Variants in SLC24A2 observed in about 807,000 individuals in gnomAD.
SLC24A2 encodes the protein solute carrier family 24 member 2.
SLC24A2 carries 36 observed loss-of-function variants against 62.0 expected under a neutral mutation model. The ratio of observed to expected loss-of-function variants is 0.58; its 90% CI spans 0.44 to 0.77. The LOEUF (loss-of-function observed/expected upper bound fraction) is 0.77, where lower values mean the gene tolerates loss of function less well. Among genes scored for constraint, SLC24A2 ranks in the 30% least tolerant of loss-of-function variants. The pLI is 0.00. For synonymous variants in SLC24A2, 358 were observed against 294.0 expected (o/e 1.22, Z -2.23); for missense variants, 846 against 817.9 (o/e 1.03, Z -0.42).
At chr9:19,912,655 T>G in the SLC24A2 span, among the ~76,000 whole-genome samples, 8 of 152,250 alleles carry the variant, frequency 5.3e-5, no homozygotes, top group Non-Finnish European at 1.0e-4. Context: ...CATCTTAGTT[T>G]TCACATCGTT....
chr9:19,574,005 T>C (rs1395872637), intron 6 of SLC24A2, among the ~76,000 whole-genome samples: 1 of 152,218 alleles, frequency 6.6e-6, no homozygotes, highest in Non-Finnish European at 1.5e-5. Context: ...GTCCTAGACT[T>C]TACCCTGCTT....
the SLC24A2 span, among the ~76,000 whole-genome samples, chr9:20,117,753 A>G: frequency 3.3e-5 from 5 of 152,166 alleles, no homozygotes; most frequent in Non-Finnish European, 7.4e-5. Flanking sequence ...CAATAATAGT[A>G]ATTGCTAACA....
At chr9:19,990,454 C>A in the SLC24A2 span, among the ~76,000 whole-genome samples, 768 of 151,378 alleles carry the variant, frequency 5.1e-3, 6 homozygotes, top group African/African-American at 0.017. Flanking sequence ...TACTAAAATA[C>A]AAAAAAATTA....
At chr9:19,568,375 C>T (rs1835738994) in intron 7 of SLC24A2, among the ~76,000 whole-genome samples, 1 of 152,200 alleles carries the variant, frequency 6.6e-6, no homozygotes, top group Non-Finnish European at 1.5e-5. Context: ...AAAGGACTCT[C>T]AAATCCAGCC....
chr9:20,300,067 A>C, the SLC24A2 span, among the ~76,000 whole-genome samples: 2 of 152,218 alleles, frequency 1.3e-5, no homozygotes, highest in African/African-American at 4.8e-5. Flanking sequence ...AGGTAGAAAA[A>C]TGCATATGTA....
chr9:20,012,298 G>C, the SLC24A2 span, among the ~76,000 whole-genome samples: 1 of 152,192 alleles, frequency 6.6e-6, no homozygotes, highest in African/African-American at 2.4e-5. Context: ...CATGGCAGCA[G>C]ACAAGAGACA....
chr9:19,583,143 G>T (rs973323975), intron 5 of SLC24A2, among the ~76,000 whole-genome samples: 14 of 152,154 alleles, frequency 9.2e-5, no homozygotes, highest in African/African-American at 3.4e-4. Context: ...CATCCTGACT[G>T]CCCTGATCTT....
intron 8 of SLC24A2, among the ~76,000 whole-genome samples, chr9:19,533,746 G>C (rs1190132592): frequency 6.6e-6 from 1 of 152,148 alleles, no homozygotes; most frequent in Non-Finnish European, 1.5e-5. Context: ...AGAATTATGG[G>C]CTAAAAAATG....
the SLC24A2 span, among the ~76,000 whole-genome samples, chr9:19,874,619 G>C: frequency 1.3e-5 from 2 of 152,128 alleles, no homozygotes; most frequent in Non-Finnish European, 1.5e-5. Context: ...GTTTAGAAAG[G>C]TCTGTGGCAT....
the SLC24A2 span, among the ~76,000 whole-genome samples, chr9:19,828,574 G>A: frequency 6.6e-6 from 1 of 152,032 alleles, no homozygotes. Flanking sequence ...TTAATGAGAG[G>A]GGTTCATATC....
chr9:20,185,519 G>C, the SLC24A2 span, among the ~76,000 whole-genome samples: 2 of 151,856 alleles, frequency 1.3e-5, no homozygotes, highest in African/African-American at 4.8e-5. Flanking sequence ...CAAAAAATTA[G>C]CTGGGCGTGG....
chr9:19,953,115 C>G, the SLC24A2 span, among the ~76,000 whole-genome samples: 2 of 151,814 alleles, frequency 1.3e-5, no homozygotes, highest in African/African-American at 4.8e-5. Flanking sequence ...TGTATCTTGT[C>G]CCCTCTTTCA....
intron 8 of SLC24A2, among the ~76,000 whole-genome samples, chr9:19,548,427 G>T (rs1019950102): frequency 6.6e-6 from 1 of 152,060 alleles, no homozygotes; most frequent in Non-Finnish European, 1.5e-5. Context: ...TTCTACTTAT[G>T]CCAACAATAT....
the SLC24A2 span, among the ~76,000 whole-genome samples, chr9:20,289,332 C>T: frequency 6.6e-6 from 1 of 152,150 alleles, no homozygotes; most frequent in African/African-American, 2.4e-5. Flanking sequence ...ATTGTAATCA[C>T]CTCCACCTCA....
At chr9:20,224,696 G>C in the SLC24A2 span, among the ~76,000 whole-genome samples, 4 of 151,924 alleles carry the variant, frequency 2.6e-5, no homozygotes, top group Non-Finnish European at 5.9e-5. Context: ...GAGAAGAAGA[G>C]GGAGGGAGGG....
chr9:20,299,448 G>T, the SLC24A2 span, among the ~76,000 whole-genome samples: 1 of 152,218 alleles, frequency 6.6e-6, no homozygotes, highest in African/African-American at 2.4e-5. Context: ...AGCCAAAGCA[G>T]CATCAATCAT....
chr9:19,837,571 A>AATCAG, the SLC24A2 span, among the ~76,000 whole-genome samples: 1 of 149,762 alleles, frequency 6.7e-6, no homozygotes, highest in African/African-American at 2.4e-5. Flanking sequence ...TGGCCAGGGC[A>AATCAG]ATCAGGCAGG....
the SLC24A2 span, among the ~76,000 whole-genome samples, chr9:20,138,036 G>A: frequency 5.3e-5 from 8 of 152,268 alleles, no homozygotes; most frequent in East Asian, 1.9e-4. Flanking sequence ...GAGAGTTAAG[G>A]AAGTTATACA....
In SLC24A2 at chr9:19,636,286, C is replaced by CTTCTTTTCTTTTCTTTTCTTTTCTT. The variant is rs1207223868; in HGVS notation, c.931-14012_931-13988dup. On this transcript the variant is annotated intron_variant, in intron 2 of 10. Transcript: ENST00000341998. ...TTTTCTTCTCTTCTTCTCTTCTTCTCTTCTTTTCTTTTCTTTTCTTTTCTT... is the reference window on the plus strand; with the variant it reads ...TTTTCTTCTCTTCTTCTCTTCTTCTCTTCTTTTCTTTTCTTTTCTTTTCTTTTCTTTTCTTTTCTTTTCTTTTCTT... Among the ~76,000 whole-genome samples, 381 of 88,056 alleles carry CTTCTTTTCTTTTCTTTTCTTTTCTT rather than the reference C, an allele frequency of 4.3e-3. 26 individuals are homozygous for CTTCTTTTCTTTTCTTTTCTTTTCTT. The highest frequency in any genetic ancestry group is 0.013 in the Middle Eastern group (2 of 158). 57.8% of individuals were successfully genotyped at this position (88,056 alleles called of 152,430 possible). A position where few individuals can be genotyped will look rare whatever the true frequency, so the allele number is the denominator to read the frequency against.
Sources: allele counts gnomAD v4.1 joint callset (sites outside exome capture counted in the v4.1 genomes callset), GRCh38; gene constraint gnomAD v4.1.1; transcripts MANE v1.5; gene names NCBI Gene and HGNC (gene_info 2026-07-23, HGNC 2026-07-21).